Variants in PTH1R observed in about 807,000 individuals in gnomAD.
PTH1R encodes parathyroid hormone/parathyroid hormone-related peptide receptor.
A neutral mutation model predicts 70.7 loss-of-function variants in PTH1R; 32 were observed. The observed-to-expected ratio is 0.45, with a 90% CI of 0.34 to 0.61. PTH1R has a LOEUF of 0.61. PTH1R is among the 20% of genes least tolerant of loss of function. The pLI is 0.01. For missense variants in PTH1R, 626 were observed against 792.5 expected, an observed-to-expected ratio of 0.79 and a Z score of 2.52; for synonymous variants, 329 against 324.8, an observed-to-expected ratio of 1.01 and a Z score of -0.14.
Position 46,902,717 on chromosome 3 carries a change from G to A in PTH1R, c.1354-32G>A, listed in dbSNP as rs778567728. ...GCTGAGGGTGGGAGGGGTTCCGGGG[G>A]CAGGCCTGATTCGAGACACCCCTCT... On this transcript the variant is annotated intron_variant, in intron 14 of 15. Coordinates refer to ENST00000449590, the MANE Select transcript of PTH1R (RefSeq NM_000316.3). The surrounding 1 kb of genome is among the most constrained non-coding windows in gnomAD (Gnocchi z 5.4). 8 of 1,614,040 alleles carry A rather than the reference G, an allele frequency of 5.0e-6. No homozygotes were observed. The South Asian group carries it at 5.5e-5, about 11-fold the overall frequency.
At chr3:46,888,347 T>C (rs1323262322) in intron 3 of PTH1R, among the ~76,000 whole-genome samples, 9 of 152,260 alleles carry the variant, frequency 5.9e-5, no homozygotes, top group Admixed American at 5.2e-4. Flanking sequence ...AAACGGCTTA[T>C]GGACAGAGCA....
chr3:46,902,097 G>A lies in PTH1R; in HGVS notation c.1211+237G>A, dbSNP rs2032161421. 6.6e-6 allele frequency among the ~76,000 whole-genome samples: 1 copy of A among 152,236 alleles called. No individual in the cohort carries two copies. Among genetic ancestry groups the A allele is most frequent in the Admixed American group, 6.5e-5 (1 of 15,288 alleles). ...AGGCCCTGCACTAGAGCTGGAGTCT[G>A]TGAGTGTGCAACGAACTTGAACCTC... is the stretch of plus-strand genomic sequence containing the variant. On this transcript the variant is annotated intron_variant, in intron 13 of 15. Transcript: ENST00000449590. This position sits in a 1 kb window ranked among gnomAD's most constrained non-coding sequence, Gnocchi z 5.4.
At chr3:46,888,822 T>C (rs1170125880) in intron 3 of PTH1R, among the ~76,000 whole-genome samples, 2 of 152,196 alleles carry the variant, frequency 1.3e-5, no homozygotes, top group Non-Finnish European at 2.9e-5. Flanking sequence ...AACTCCGCTA[T>C]CCCAGGCTGC....
chr3:46,878,078 C>A (rs143847970), intron 1 of PTH1R, among the ~76,000 whole-genome samples: 2 of 152,310 alleles, frequency 1.3e-5, no homozygotes, highest in East Asian at 3.9e-4. Context: ...TAGGAGTGCT[C>A]CCTGGTTGGG....
At chr3:46,897,834 C>G in intron 5 of PTH1R, 21 bp from the exon 6 acceptor site, 1 of 1,607,688 alleles carries the variant, frequency 6.2e-7, no homozygotes, top group Non-Finnish European at 8.5e-7. Flanking sequence ...TATCCCCTAC[C>G]CTGTCTGTCT....
At chr3:46,887,355 T>C (rs953999527) in intron 3 of PTH1R, among the ~76,000 whole-genome samples, 14 of 151,200 alleles carry the variant, frequency 9.3e-5, no homozygotes, top group Admixed American at 8.6e-4. Context: ...CTTGAGAGGC[T>C]GAGGAGGGAG....
chr3:46,882,492 A>G lies in PTH1R; in HGVS notation c.-48-1020A>G, dbSNP rs1260766500. 2 of 146,806 alleles carry G rather than the reference A, an allele frequency of 1.4e-5. No individual in the cohort carries two copies. Among genetic ancestry groups the G allele is most frequent in the East Asian group, 4.2e-4 (2 of 4,800 alleles). The allele number at this position is 146,806 out of a possible 1,614,324, so 9.1% of individuals were successfully genotyped here. A position where few individuals can be genotyped will look rare whatever the true frequency, so the allele number is the denominator to read the frequency against. On this transcript the variant is annotated intron_variant, in intron 2 of 15. Coordinates refer to ENST00000449590, the MANE Select transcript of PTH1R (RefSeq NM_000316.3). The surrounding 1 kb of genome is among the most constrained non-coding windows in gnomAD (Gnocchi z 4.3). Reference sequence around the variant, plus strand: ...AAGTCGGGGCTGGGGACCCGCGCCGAGGGGAAGTGGCCGGAGTCGGGGAGG... The same window carrying G: ...AAGTCGGGGCTGGGGACCCGCGCCGGGGGGAAGTGGCCGGAGTCGGGGAGG...
chr3:46,903,284 C>G lies in PTH1R; in HGVS notation c.1410C>G (p.Ile470Met). Residue 470 changes from isoleucine (I) to methionine (M), a missense_variant, in exon 16 of 16, where the codon ATC (isoleucine) becomes ATG (methionine). Ile to Met is a conservative substitution (Grantham distance 10, BLOSUM62 1). Coordinates refer to ENST00000449590, the MANE Select transcript of PTH1R (RefSeq NM_000316.3). This position sits in a 1 kb window ranked among gnomAD's most constrained non-coding sequence, Gnocchi z 4.4. The stretch of plus-strand genomic sequence containing the variant: ...ACTGCCCCAAGGTACAAGCTGAGAT[C>G]AAGAAATCTTGGAGCCGCTGGACAC... Reference protein sequence around the residue: ...CFCNGEVQAEIKKSWSRWTLA... With the variant: ...CFCNGEVQAEMKKSWSRWTLA... The G allele has an allele frequency of 3.1e-6, 5 of 1,612,934 alleles. No individual in the cohort carries two copies. Among genetic ancestry groups the G allele is most frequent in the Non-Finnish European group, 4.2e-6 (5 of 1,179,978 alleles).
intron 10 of PTH1R, among the ~76,000 whole-genome samples, chr3:46,900,633 G>C (rs571140099): frequency 3.3e-5 from 5 of 152,116 alleles, no homozygotes; most frequent in Admixed American, 3.3e-4. Context: ...GGGGGGTGCT[G>C]TGCTGGGGCA....
Position 46,902,835 on chromosome 3 carries a change from C to A in PTH1R, c.1395+45C>A. On this transcript the variant is annotated intron_variant, in intron 15 of 15. Coordinates refer to ENST00000449590, the MANE Select transcript of PTH1R (RefSeq NM_000316.3). This position sits in a 1 kb window ranked among gnomAD's most constrained non-coding sequence, Gnocchi z 5.4. ...GGCATAGGGCAGGGTGGGGCAGATA[C>A]CCCAGAGGCTTCCTCAAGGCTCATT... 1 of 1,609,106 alleles carries A rather than the reference C, an allele frequency of 6.2e-7. No individual in the cohort carries two copies.
rs1397249258 is a variant in PTH1R at position 46,893,092 on chromosome 3, A to G, written c.76-815A>G. 6.6e-6 allele frequency among the ~76,000 whole-genome samples: 1 copy of G among 152,048 alleles called. No homozygotes were observed. Among genetic ancestry groups the G allele is most frequent in the Non-Finnish European group, 1.5e-5 (1 of 67,994 alleles). ...ATGATATTTCATTTCCTTTCTTATA[A>G]TGAGGCCAGTGAGTCCCGGTGGGTG... On this transcript the variant is annotated intron_variant, in intron 3 of 15. Transcript: ENST00000449590. This position sits in a 1 kb window ranked among gnomAD's most constrained non-coding sequence, Gnocchi z 5.2.
At position 46,896,989 on chromosome 3, in the gene PTH1R, A is replaced by T. The variant is rs139635478; in HGVS notation, c.314-866A>T. Among the ~76,000 whole-genome samples the T allele has an allele frequency of 6.6e-6, 1 of 152,194 alleles. No individual in the cohort carries two copies. Among genetic ancestry groups the T allele is most frequent in the East Asian group, 1.9e-4 (1 of 5,202 alleles). On this transcript the variant is annotated intron_variant, in intron 5 of 15. Coordinates refer to ENST00000449590, the MANE Select transcript of PTH1R (RefSeq NM_000316.3). This position sits in a 1 kb window ranked among gnomAD's most constrained non-coding sequence, Gnocchi z 4.1. ...CCAACTTCCCAATGAGGAAATGGAA[A>T]TAGAAAGACTTGGGACACCTGCGTG...
chr3:46,896,430 G>C lies in PTH1R; in HGVS notation c.313+561G>C, dbSNP rs937286712. Among the ~76,000 whole-genome samples the C allele has an allele frequency of 6.6e-6, 1 of 152,158 alleles. No homozygotes were observed. Among genetic ancestry groups the C allele is most frequent in the African/African-American group, 2.4e-5 (1 of 41,428 alleles). On this transcript the variant is annotated intron_variant, in intron 5 of 15. Transcript: ENST00000449590. The surrounding 1 kb of genome is among the most constrained non-coding windows in gnomAD (Gnocchi z 4.1). ...AGGCAGTGGGACAAGGAGGGGAGAA[G>C]AGAAGGGAGGGAAGCAGATGAGGAA... is the stretch of plus-strand genomic sequence containing the variant.
Position 46,898,367 on chromosome 3 carries a change from G to C in PTH1R, c.544-11G>C. ...CAGGGCTCTGACTGTGTCTCCCCCC[G>C]CCCCGCACAGGAGGTGTTTGACCGC... On this transcript the variant is annotated splice_polypyrimidine_tract_variant and intron_variant, in intron 7 of 15. Coordinates refer to ENST00000449590, the MANE Select transcript of PTH1R (RefSeq NM_000316.3). The C allele has an allele frequency of 6.2e-7, 1 of 1,613,078 alleles. No individual in the cohort carries two copies. The highest frequency in any genetic ancestry group is 8.5e-7 in the Non-Finnish European group (1 of 1,179,254).
chr3:46,889,761 G>A (rs1156565743), intron 3 of PTH1R, among the ~76,000 whole-genome samples: 1 of 152,144 alleles, frequency 6.6e-6, no homozygotes. Flanking sequence ...TGGCCTGTAA[G>A]TGGTGGGTAT....
intron 3 of PTH1R, among the ~76,000 whole-genome samples, chr3:46,890,342 C>G (rs1283175275): frequency 2.0e-5 from 3 of 152,116 alleles, no homozygotes; most frequent in African/African-American, 2.4e-5. Context: ...TGGCTGGGAG[C>G]ACCCATGTCA....
chr3:46,900,944 G>GA, intron 10 of PTH1R, 81 bp from the exon 11 acceptor site: 2 of 1,455,550 alleles, frequency 1.4e-6, no homozygotes, highest in Non-Finnish European at 1.9e-6. Context: ...GGGGTAAGCT[G>GA]GGGGTCATCG....
At position 46,880,537 on chromosome 3, in the gene PTH1R, C is replaced by T. The variant is rs1268537960; in HGVS notation, c.-105-525C>T. On this transcript the variant is annotated intron_variant, in intron 1 of 15. Coordinates refer to ENST00000449590, the MANE Select transcript of PTH1R (RefSeq NM_000316.3). ...GGTGGATCACTTGAGGTCAGGGGTTCGTGACCAGCCTGGTCAACATGGTGA... is the reference window on the plus strand; with the variant it reads ...GGTGGATCACTTGAGGTCAGGGGTTTGTGACCAGCCTGGTCAACATGGTGA... Among the ~76,000 whole-genome samples, 5 of 152,004 alleles carry T rather than the reference C, an allele frequency of 3.3e-5. No homozygotes were observed. In the South Asian group the frequency reaches 6.2e-4, roughly 19 times the overall value.
At position 46,901,583 on chromosome 3, in the gene PTH1R, A is replaced by G. The variant is rs1056210672; in HGVS notation, c.1116+103A>G. ...GACCTAGGAGGCTTCCCTGGACCCCAGTGTCAGAGCTACAGAGGCCGGAGG... is the reference window on the plus strand; with the variant it reads ...GACCTAGGAGGCTTCCCTGGACCCCGGTGTCAGAGCTACAGAGGCCGGAGG... On this transcript the variant is annotated intron_variant, in intron 12 of 15. Coordinates refer to ENST00000449590, the MANE Select transcript of PTH1R (RefSeq NM_000316.3). The surrounding 1 kb of genome is among the most constrained non-coding windows in gnomAD (Gnocchi z 7.3). 7.0e-7 allele frequency: 1 copy of G among 1,433,174 alleles called. No individual in the cohort carries two copies. The highest frequency in any genetic ancestry group is 2.5e-5 in the East Asian group (1 of 40,332). 88.8% of individuals were successfully genotyped at this position (1,433,174 alleles called of 1,614,324 possible). A position where few individuals can be genotyped will look rare whatever the true frequency, so the allele number is the denominator to read the frequency against.
Sources: allele counts gnomAD v4.1 joint callset (sites outside exome capture counted in the v4.1 genomes callset), GRCh38; gene constraint gnomAD v4.1.1; non-coding constraint Gnocchi (gnomAD v3.1); transcripts MANE v1.5; gene names NCBI Gene and HGNC (gene_info 2026-07-23, HGNC 2026-07-21).